The following B3GLCT variants were observed in gnomAD, a reference collection of about 807,000 sequenced individuals.
B3GLCT encodes beta 3-glucosyltransferase, also known as beta-1,3-glucosyltransferase.
In B3GLCT, 65 loss-of-function variants were observed where a neutral mutation model predicts 63.4. The observed-to-expected ratio is 1.03, with a 90% CI of 0.84 to 1.26. The LOEUF is 1.26. Ranked by LOEUF, B3GLCT falls within the 50% of genes most tolerant of loss-of-function variation. The pLI, the probability that B3GLCT is intolerant of heterozygous loss-of-function variation, is 0.00. For synonymous variants in B3GLCT, 233 were observed against 219.2 expected (o/e 1.06, Z -0.55); for missense variants, 577 against 604.8 (o/e 0.95, Z 0.48).
intron 2 of B3GLCT, among the ~76,000 whole-genome samples, chr13:31,218,545 G>T (rs1485098911): frequency 6.6e-6 from 1 of 152,116 alleles, no homozygotes. Flanking sequence ...TTTGTGTATG[G>T]AAATGCTACT....
At chr13:31,317,481 C>G in intron 12 of B3GLCT, 85 bp from the exon 13 acceptor site, 3 of 1,479,468 alleles carry the variant, frequency 2.0e-6, no homozygotes, top group Non-Finnish European at 1.9e-6. Context: ...ACACAGTATA[C>G]AGAGTGGGAT....
intron 6 of B3GLCT, among the ~76,000 whole-genome samples, chr13:31,250,723 T>C (rs996115342): frequency 6.6e-6 from 1 of 152,198 alleles, no homozygotes; most frequent in Non-Finnish European, 1.5e-5. Flanking sequence ...CAGAGACTTA[T>C]AGATAAAACC....
chr13:31,330,683 C>G lies in B3GLCT; in HGVS notation c.*1015C>G, dbSNP rs1010917318. The G allele has an allele frequency of 5.3e-5, 8 of 151,510 alleles. No individual in the cohort carries two copies. The highest frequency in any genetic ancestry group is 1.7e-4 in the African/African-American group (7 of 41,238). The allele number at this position is 151,510 out of a possible 1,614,324, so 9.4% of individuals were successfully genotyped here. A position where few individuals can be genotyped will look rare whatever the true frequency, so the allele number is the denominator to read the frequency against. ...TTGAACACAGTATTTTGAAACAGCT[C>G]TAGTTTTCAAATTATATCTTTAATA... is the stretch of plus-strand genomic sequence containing the variant. On this transcript the variant is annotated 3_prime_UTR_variant, in exon 15 of 15. Transcript: ENST00000343307.
chr13:31,246,209 G>C (rs1321356305), intron 4 of B3GLCT, among the ~76,000 whole-genome samples: 3 of 152,148 alleles, frequency 2.0e-5, no homozygotes, highest in Non-Finnish European at 4.4e-5. Flanking sequence ...ATATAATAAA[G>C]TTTGTTGGGG....
chr13:31,244,245 A>C (rs1404424390), intron 4 of B3GLCT, among the ~76,000 whole-genome samples: 1 of 152,198 alleles, frequency 6.6e-6, no homozygotes, highest in Admixed American at 6.5e-5. Flanking sequence ...TAATCCCAGC[A>C]CTTTGGGAGG....
chr13:31,288,777 A>C (rs1330187615), intron 12 of B3GLCT, among the ~76,000 whole-genome samples: 1 of 152,206 alleles, frequency 6.6e-6, no homozygotes, highest in Non-Finnish European at 1.5e-5. Flanking sequence ...ATTTTTAAAA[A>C]TTGGAACAAC....
intron 10 of B3GLCT, 102 bp from the exon 11 acceptor site, chr13:31,284,546 G>A (rs1350000830): frequency 1.3e-6 from 1 of 751,458 alleles, no homozygotes; most frequent in Non-Finnish European, 2.4e-6. Flanking sequence ...AGAACAACCA[G>A]TAATGTTTCT....
At chr13:31,253,125 C>T (rs578133775) in intron 6 of B3GLCT, among the ~76,000 whole-genome samples, 4 of 152,162 alleles carry the variant, frequency 2.6e-5, no homozygotes, top group South Asian at 2.1e-4. Context: ...GGGTAAATAA[C>T]GAAACGAAAG....
intron 3 of B3GLCT, among the ~76,000 whole-genome samples, chr13:31,227,313 A>G (rs772448264): frequency 2.6e-5 from 4 of 151,946 alleles, no homozygotes; most frequent in Non-Finnish European, 5.9e-5. Context: ...GGGAATGTGC[A>G]TCTTCTTTAT....
Position 31,329,610 on chromosome 13 carries a change from C to T in B3GLCT, c.1439C>T (p.Pro480Leu). 1.9e-6 allele frequency: 3 copies of T among 1,614,124 alleles called. No homozygotes were observed. Among genetic ancestry groups the T allele is most frequent in the Non-Finnish European group, 2.5e-6 (3 of 1,180,034 alleles). Reference sequence around the variant, plus strand: ...AAGGTGTATTTCACATGGTTGGCACCCAGTGACGAAGACAAAGCCAGGCAG... The same window carrying T: ...AAGGTGTATTTCACATGGTTGGCACTCAGTGACGAAGACAAAGCCAGGCAG... ...PVKVYFTWLA[P>L]SDEDKARQET... The change falls in exon 15 of 15, where the codon CCC (proline) becomes CTC (leucine). Residue 480 changes from proline to leucine, a missense_variant. Coordinates refer to ENST00000343307, the MANE Select transcript of B3GLCT (RefSeq NM_194318.4).
chr13:31,225,566 CATGTCAGTG>C (rs1315290355), intron 3 of B3GLCT, among the ~76,000 whole-genome samples: 1 of 152,214 alleles, frequency 6.6e-6, no homozygotes, highest in East Asian at 1.9e-4. Context: ...GGCTGACTAG[CATGTCAGTG>C]ATCTTCCGGC....
rs1868539243 is a variant in B3GLCT at position 31,199,997 on chromosome 13, C to T, written c.-88C>T. The T allele has an allele frequency of 3.8e-6, 3 of 783,884 alleles. No individual in the cohort carries two copies. The highest frequency in any genetic ancestry group is 5.0e-6 in the Non-Finnish European group (3 of 599,732). 48.6% of individuals were successfully genotyped at this position (783,884 alleles called of 1,614,324 possible). A position where few individuals can be genotyped will look rare whatever the true frequency, so the allele number is the denominator to read the frequency against. On this transcript the variant is annotated 5_prime_UTR_variant, in exon 1 of 15. Transcript: ENST00000343307. ...GGCAGAGAAGGGTCAGCCGCGGCGG[C>T]AGGGCGGCGGCGGCAGCGGCGCAGC...
At chr13:31,310,389 G>A (rs1437214042) in intron 12 of B3GLCT, among the ~76,000 whole-genome samples, 8 of 152,176 alleles carry the variant, frequency 5.3e-5, no homozygotes, top group Non-Finnish European at 8.8e-5. Flanking sequence ...CCTGGGACCC[G>A]CTGAACAGTA....
chr13:31,233,354 G>A (rs923312620), intron 4 of B3GLCT, among the ~76,000 whole-genome samples: 2 of 151,990 alleles, frequency 1.3e-5, no homozygotes, highest in African/African-American at 4.8e-5. Context: ...AAAAGAACCA[G>A]AAGATTCACT....
At chr13:31,319,435 C>G (rs1875218200) in intron 13 of B3GLCT, among the ~76,000 whole-genome samples, 1 of 152,228 alleles carries the variant, frequency 6.6e-6, no homozygotes, top group South Asian at 2.1e-4. Context: ...TTTCCAGCAA[C>G]CTTGCTGTCG....
intron 4 of B3GLCT, among the ~76,000 whole-genome samples, chr13:31,240,853 C>T (rs1353363794): frequency 6.6e-6 from 1 of 152,112 alleles, no homozygotes; most frequent in Admixed American, 6.5e-5. Flanking sequence ...GCAAATTTAT[C>T]GACCCATTCA....
intron 12 of B3GLCT, among the ~76,000 whole-genome samples, chr13:31,288,685 AC>A (rs576012590): frequency 2.0e-5 from 3 of 152,182 alleles, no homozygotes; most frequent in South Asian, 2.1e-4. Flanking sequence ...CTACAACAGC[AC>A]CAAAAATAAA....
chr13:31,264,088 T>C lies in B3GLCT; in HGVS notation c.596+3006T>C, dbSNP rs951410871. On this transcript the variant is annotated intron_variant, in intron 7 of 14. Transcript: ENST00000343307. ...CTCATCTGGGAGAAGGGACGAGGGG[T>C]CTTTTTTATAGGGGTGCAGTCCCAT... Among the ~76,000 whole-genome samples, 5 of 151,954 alleles carry C rather than the reference T, an allele frequency of 3.3e-5. No homozygotes were observed. The East Asian group carries it at 5.8e-4, about 18-fold the overall frequency.
intron 1 of B3GLCT, among the ~76,000 whole-genome samples, chr13:31,211,161 G>A (rs1869237915): frequency 6.6e-6 from 1 of 152,148 alleles, no homozygotes; most frequent in Non-Finnish European, 1.5e-5. Context: ...TTGGGAGGCC[G>A]AGGTGGGTGG....
Sources: gnomAD v4.1 joint callset for allele counts (sites outside exome capture counted in the v4.1 genomes callset) on GRCh38, gnomAD v4.1.1 for gene constraint, MANE v1.5 for transcripts, NCBI Gene and HGNC (gene_info 2026-07-23, HGNC 2026-07-21) for gene names.